Variants in PHLDB2 observed in about 807,000 individuals in gnomAD.
The protein encoded by PHLDB2 is pleckstrin homology like domain family B member 2, also known as pleckstrin homology-like domain family B member 2.
In PHLDB2, 71 loss-of-function variants were observed where a neutral mutation model predicts 123.6. The ratio of observed to expected loss-of-function variants is 0.57; its 90% CI spans 0.47 to 0.70. The LOEUF is 0.70. PHLDB2 is among the 30% of genes least tolerant of loss of function. The pLI is 0.00. For synonymous variants in PHLDB2, 547 were observed against 541.6 expected, an observed-to-expected ratio of 1.01 and a Z score of -0.14; for missense variants, 1,446 against 1,519.5, an observed-to-expected ratio of 0.95 and a Z score of 0.80.
At chr3:111,856,859 A>G (rs2064533090), upstream of PHLDB2, among the ~76,000 whole-genome samples, 1 of 152,238 alleles carries the variant, frequency 6.6e-6, no homozygotes, top group South Asian at 2.1e-4. Flanking sequence ...GACAATAAAC[A>G]TAATTTAAAA....
intron 5 of PHLDB2, among the ~76,000 whole-genome samples, 159 bp downstream of exon 5, chr3:111,920,578 A>G (rs1328070415): frequency 1.3e-5 from 2 of 152,226 alleles, no homozygotes; most frequent in Non-Finnish European, 2.9e-5. Flanking sequence ...ATACATTGTC[A>G]GAAACCAAGA....
At chr3:111,884,029 T>C (rs1445653792) in intron 1 of PHLDB2, 35 bp from the exon 2 acceptor site, 1 of 1,565,272 alleles carries the variant, frequency 6.4e-7, no homozygotes, top group Non-Finnish European at 8.6e-7. Flanking sequence ...TAAAATCTTC[T>C]TTAAGGCAAA....
upstream of PHLDB2, among the ~76,000 whole-genome samples, chr3:111,857,813 G>C (rs952150201): frequency 2.6e-5 from 4 of 152,226 alleles, no homozygotes; most frequent in African/African-American, 7.2e-5. Context: ...AACAGACGCT[G>C]CAGAGAATGT....
intron 1 of PHLDB2, among the ~76,000 whole-genome samples, chr3:111,758,961 G>A (rs1224229366): frequency 1.3e-5 from 2 of 152,110 alleles, no homozygotes; most frequent in African/African-American, 4.8e-5. Flanking sequence ...ATGGGGCCCA[G>A]GCCATCTTTA....
chr3:111,944,320 T>C (rs1440041619), intron 8 of PHLDB2, among the ~76,000 whole-genome samples: 1 of 152,136 alleles, frequency 6.6e-6, no homozygotes, highest in African/African-American at 2.4e-5. Context: ...TTCCATTTGT[T>C]CAAACTCATA....
Position 111,754,860 on chromosome 3 carries a change from AG to A in PHLDB2, c.-49+22160del, listed in dbSNP as rs1351741328. ...AATTTATTGAGAGTTTTTAGCATGA[AG>A]GGTTGTTGAATTTTGTCAAAGGCCT... On this transcript the variant is annotated intron_variant, in intron 1 of 17. Transcript: ENST00000393923. 9.6e-4 allele frequency among the ~76,000 whole-genome samples: 137 copies of A among 142,238 alleles called. 1 individual carries two copies. The highest frequency in any genetic ancestry group is 3.6e-3 in the Middle Eastern group (1 of 280). 93.3% of individuals were successfully genotyped at this position (142,238 alleles called of 152,430 possible).
intron 5 of PHLDB2, among the ~76,000 whole-genome samples, chr3:111,922,249 G>A (rs1404946371): frequency 6.6e-6 from 1 of 152,178 alleles, no homozygotes; most frequent in Non-Finnish European, 1.5e-5. Context: ...ATATGGCATG[G>A]CCTGCAAATT....
chr3:111,807,814 A>T (rs1427280356), intron 1 of PHLDB2, among the ~76,000 whole-genome samples: 1 of 152,174 alleles, frequency 6.6e-6, no homozygotes, highest in Non-Finnish European at 1.5e-5. Context: ...GAAGAGGAAT[A>T]GGAAGAGGAG....
chr3:111,740,928 G>A (rs2059593176), intron 1 of PHLDB2, among the ~76,000 whole-genome samples: 1 of 150,970 alleles, frequency 6.6e-6, no homozygotes, highest in Non-Finnish European at 1.5e-5. Context: ...ACAGTGGGGA[G>A]AGGAGAGGGG....
At chr3:111,781,389 C>A (rs1040943322) in intron 1 of PHLDB2, among the ~76,000 whole-genome samples, 3 of 152,040 alleles carry the variant, frequency 2.0e-5, no homozygotes, top group African/African-American at 7.2e-5. Flanking sequence ...TCTCCCTTTT[C>A]CCCAAATCCT....
At chr3:111,894,367 A>G (rs933864938) in intron 2 of PHLDB2, among the ~76,000 whole-genome samples, 23 of 152,060 alleles carry the variant, frequency 1.5e-4, no homozygotes, top group Admixed American at 9.2e-4. Context: ...GCCGCAATAA[A>G]CATACATGTG....
chr3:111,766,796 G>C (rs1284771496), intron 1 of PHLDB2, among the ~76,000 whole-genome samples: 1 of 152,098 alleles, frequency 6.6e-6, no homozygotes, highest in African/African-American at 2.4e-5. Flanking sequence ...ACTCTGGGAG[G>C]CCAAGGCAGG....
chr3:111,836,758 G>C (rs2063422528), intron 1 of PHLDB2, among the ~76,000 whole-genome samples: 1 of 152,164 alleles, frequency 6.6e-6, no homozygotes, highest in Non-Finnish European at 1.5e-5. Context: ...GTGACAGGAG[G>C]TGAGGGGGAC....
intron 16 of PHLDB2, 37 bp downstream of exon 16, chr3:111,969,946 T>C (rs1413801278): frequency 6.3e-7 from 1 of 1,589,918 alleles, no homozygotes; most frequent in Non-Finnish European, 8.6e-7. Flanking sequence ...TATACTCAAA[T>C]CAAGAACCCC....
chr3:111,832,144 A>T (rs2063068028), intron 1 of PHLDB2, among the ~76,000 whole-genome samples: 1 of 152,146 alleles, frequency 6.6e-6, no homozygotes. Flanking sequence ...TACACCCTTG[A>T]CTGCTGCCAG....
chr3:111,967,632 A>G (rs1378990450), intron 14 of PHLDB2, 46 bp from the exon 15 acceptor site: 1 of 1,547,420 alleles, frequency 6.5e-7, no homozygotes, highest in South Asian at 1.2e-5. Context: ...CCATTCAAGT[A>G]TAACCAGTAT....
At chr3:111,846,012 G>A in intron 2 of PHLDB2, 2 of 1,450,688 alleles carry the variant, frequency 1.4e-6, no homozygotes, top group Non-Finnish European at 1.9e-6. Flanking sequence ...GGAATGAGCT[G>A]GCATTTTCAA....
rs1390026689 is a variant in PHLDB2, at chr3:111,819,382, G to A, written c.-48-26439G>A. Reference sequence around the variant, plus strand: ...TCAAGGGAATCCATAAAAAGCCAAGGTAGATAACCCATCTGAATTCAATGC... The same window carrying A: ...TCAAGGGAATCCATAAAAAGCCAAGATAGATAACCCATCTGAATTCAATGC... On this transcript the variant is annotated intron_variant, in intron 1 of 17. Transcript: ENST00000393923. 2.0e-5 allele frequency among the ~76,000 whole-genome samples: 3 copies of A among 152,152 alleles called. No individual in the cohort carries two copies. The East Asian group carries it at 5.8e-4, about 29-fold the overall frequency.
chr3:111,762,975 G>T (rs147246130), intron 1 of PHLDB2, among the ~76,000 whole-genome samples: 69 of 152,272 alleles, frequency 4.5e-4, no homozygotes, highest in Non-Finnish European at 7.6e-4. Flanking sequence ...AAAACTAGCT[G>T]CCTGTTTGGT....
Sources: gnomAD v4.1 joint callset for allele counts (sites outside exome capture counted in the v4.1 genomes callset) on GRCh38, gnomAD v4.1.1 for gene constraint, MANE v1.5 for transcripts, NCBI Gene and HGNC (gene_info 2026-07-23, HGNC 2026-07-21) for gene names.